The following PPP1R12B variants were observed in gnomAD, a reference collection of about 807,000 sequenced individuals.
The protein encoded by PPP1R12B is myosin phosphatase target subunit 2.
Under a neutral mutation model 126.1 loss-of-function variants are expected in PPP1R12B, and 76 were observed. That is an observed-to-expected ratio of 0.60 (90% CI 0.50 to 0.73). PPP1R12B has a LOEUF of 0.73. Among genes scored for constraint, PPP1R12B ranks in the 30% least tolerant of loss-of-function variants. PPP1R12B has a pLI of 0.00. For missense variants in PPP1R12B, 1,052 were observed against 1,205.1 expected, an observed-to-expected ratio of 0.87 and a Z score of 1.88; for synonymous variants, 356 against 434.7, an observed-to-expected ratio of 0.82 and a Z score of 2.25.
chr1:202,377,839 T>TTTTG (rs1553268032), intron 1 of PPP1R12B, among the ~76,000 whole-genome samples: 29 of 46,264 alleles, frequency 6.3e-4, no homozygotes, highest in African/African-American at 1.3e-3. Context: ...GGTGTTTTTT[T>TTTTG]TTTTTTTTTT....
At chr1:202,521,153 A>G (rs1023960188) in intron 18 of PPP1R12B, among the ~76,000 whole-genome samples, 2 of 152,184 alleles carry the variant, frequency 1.3e-5, no homozygotes, top group Non-Finnish European at 2.9e-5. Flanking sequence ...CTTTTGGGCT[A>G]AAAATTCAGA....
At chr1:202,541,203 C>G (rs765525340) in intron 18 of PPP1R12B, among the ~76,000 whole-genome samples, 9 of 150,524 alleles carry the variant, frequency 6.0e-5, no homozygotes, top group African/African-American at 2.0e-4. Flanking sequence ...AGAAAATTTG[C>G]AAGAAGCCTG....
intron 18 of PPP1R12B, among the ~76,000 whole-genome samples, chr1:202,535,593 T>A (rs748298803): frequency 6.6e-6 from 1 of 152,232 alleles, no homozygotes; most frequent in African/African-American, 2.4e-5. Context: ...TACCTGGTGC[T>A]CTTAATTCCA....
At chr1:202,467,601 A>G (rs2148777765) in intron 13 of PPP1R12B, among the ~76,000 whole-genome samples, 1 of 152,138 alleles carries the variant, frequency 6.6e-6, no homozygotes, top group Admixed American at 6.5e-5. Flanking sequence ...TATGCGCCAC[A>G]TTTTCTTAAT....
At chr1:202,448,578 G>A (rs1366629147) in intron 12 of PPP1R12B, 1 of 168,078 alleles carries the variant, frequency 5.9e-6, no homozygotes, top group Non-Finnish European at 1.3e-5. Context: ...AGGAACAGGT[G>A]GAGACTAATA....
intron 1 of PPP1R12B, among the ~76,000 whole-genome samples, chr1:202,374,490 TC>T (rs1184768527): frequency 7.2e-5 from 7 of 97,874 alleles, no homozygotes; most frequent in African/African-American, 2.3e-4. Flanking sequence ...CATTTGTCTC[TC>T]TCTTTTTTTT....
chr1:202,528,877 A>G (rs1683632210), intron 18 of PPP1R12B, among the ~76,000 whole-genome samples: 1 of 152,156 alleles, frequency 6.6e-6, no homozygotes, highest in Non-Finnish European at 1.5e-5. Context: ...AGGCATAGGG[A>G]AAAACTTTTA....
At chr1:202,437,056 G>T in intron 9 of PPP1R12B, among the ~76,000 whole-genome samples, 1 of 152,128 alleles carries the variant, frequency 6.6e-6, no homozygotes, top group East Asian at 1.9e-4. Flanking sequence ...TCCTGGCAGG[G>T]CATGGGTTCA....
chr1:202,463,566 A>T (rs1377813767), intron 13 of PPP1R12B, among the ~76,000 whole-genome samples: 1 of 152,228 alleles, frequency 6.6e-6, no homozygotes, highest in Non-Finnish European at 1.5e-5. Context: ...GAAGGGGCAG[A>T]TTGCAACTTG....
In PPP1R12B at chr1:202,525,846, C is replaced by T. The variant is rs549594822; in HGVS notation, c.2490+29024C>T. 7.2e-5 allele frequency among the ~76,000 whole-genome samples: 11 copies of T among 152,056 alleles called. No homozygotes were observed. The East Asian group carries it at 1.4e-3, about 19-fold the overall frequency. Reference sequence around the variant, plus strand: ...CCGAGTAGCTGTGATTACAGGTGCCCGCCACCACACCTTGCTAATATTTTG... The same window carrying T: ...CCGAGTAGCTGTGATTACAGGTGCCTGCCACCACACCTTGCTAATATTTTG... On this transcript the variant is annotated intron_variant, in intron 18 of 23. Coordinates refer to ENST00000608999, the MANE Select transcript of PPP1R12B (RefSeq NM_002481.4).
intron 20 of PPP1R12B, among the ~76,000 whole-genome samples, chr1:202,564,057 C>T (rs1241888934): frequency 6.6e-6 from 1 of 152,178 alleles, no homozygotes; most frequent in African/African-American, 2.4e-5. Flanking sequence ...AAGACCCTGT[C>T]TCCAAAGGGA....
chr1:202,463,582 G>A (rs922086273), intron 13 of PPP1R12B, among the ~76,000 whole-genome samples: 10 of 152,256 alleles, frequency 6.6e-5, no homozygotes, highest in Admixed American at 5.2e-4. Context: ...ACTTGAGTTG[G>A]CCTTTGAAAT....
intron 18 of PPP1R12B, among the ~76,000 whole-genome samples, chr1:202,535,258 A>G (rs1684423589): frequency 1.3e-5 from 2 of 152,202 alleles, no homozygotes; most frequent in South Asian, 2.1e-4. Flanking sequence ...AACCATGTGT[A>G]CAGCACCATG....
chr1:202,400,313 C>G (rs529834884), intron 1 of PPP1R12B, among the ~76,000 whole-genome samples: 1 of 152,106 alleles, frequency 6.6e-6, no homozygotes, highest in South Asian at 2.1e-4. Flanking sequence ...GAGCACTATT[C>G]TGGGCCCTGG....
intron 18 of PPP1R12B, among the ~76,000 whole-genome samples, chr1:202,538,073 C>T (rs1324921542): frequency 6.6e-6 from 1 of 152,256 alleles, no homozygotes; most frequent in Admixed American, 6.5e-5. Context: ...TTACCGCAAC[C>T]TCTGCCTCAC....
chr1:202,519,447 T>C (rs772816162), intron 18 of PPP1R12B, among the ~76,000 whole-genome samples: 13 of 151,954 alleles, frequency 8.6e-5, no homozygotes, highest in Non-Finnish European at 1.8e-4. Context: ...TTTTTCTGTA[T>C]TTTTAGTAAA....
rs970691536 is a variant in PPP1R12B, at chr1:202,565,149, C to G, written c.2757+602C>G. ...CAGAAAGACTGATAAACTATTTCCT[C>G]TCACTGCCAGGTTTGATTTAATTAG... On this transcript the variant is annotated intron_variant, in intron 21 of 23. Transcript: ENST00000608999. This position sits in a 1 kb window ranked among gnomAD's most constrained non-coding sequence, Gnocchi z 4.3. Among the ~76,000 whole-genome samples, 1 of 152,232 alleles carries G rather than the reference C, an allele frequency of 6.6e-6. No individual in the cohort carries two copies. The highest frequency in any genetic ancestry group is 2.4e-5 in the African/African-American group (1 of 41,462).
intron 1 of PPP1R12B, among the ~76,000 whole-genome samples, chr1:202,384,605 T>C (rs1662837501): frequency 6.6e-6 from 1 of 152,206 alleles, no homozygotes; most frequent in Non-Finnish European, 1.5e-5. Flanking sequence ...TTTGGAGAGA[T>C]GAAAATGTCC....
intron 12 of PPP1R12B, among the ~76,000 whole-genome samples, chr1:202,446,110 A>G (rs1056559118): frequency 1.3e-5 from 2 of 151,314 alleles, no homozygotes; most frequent in African/African-American, 4.8e-5. Context: ...TTATAGGTAA[A>G]TTTATTAGGT....
Sources: gnomAD v4.1 joint callset for allele counts (sites outside exome capture counted in the v4.1 genomes callset) on GRCh38, gnomAD v4.1.1 for gene constraint, Gnocchi (gnomAD v3.1) non-coding constraint, MANE v1.5 for transcripts, NCBI Gene and HGNC (gene_info 2026-07-23, HGNC 2026-07-21) for gene names.